OSBPL1A: variants seen among roughly 807,000 people sequenced by gnomAD.
OSBPL1A encodes oxysterol-binding protein-related protein 1.
A neutral mutation model predicts 137.1 loss-of-function variants in OSBPL1A; 80 were observed. The ratio of observed to expected loss-of-function variants is 0.58; its 90% CI spans 0.49 to 0.70. The LOEUF (loss-of-function observed/expected upper bound fraction) is 0.70, where lower values mean the gene tolerates loss of function less well. Ranked by LOEUF, OSBPL1A falls within the 30% of genes least tolerant of loss-of-function variation. The pLI is 0.00. For missense variants in OSBPL1A, 970 were observed against 1,129.4 expected (o/e 0.86, Z 2.02); for synonymous variants, 365 against 389.7 (o/e 0.94, Z 0.75).
chr18:24,393,610 G>A (rs1440993242), intron 1 of OSBPL1A, among the ~76,000 whole-genome samples: 3 of 152,000 alleles, frequency 2.0e-5, no homozygotes, highest in Admixed American at 1.3e-4. Context: ...CCGCCACCAC[G>A]CCTGGCTAAT....
In OSBPL1A at chr18:24,271,507, G is replaced by A; in HGVS notation, c.1281+9335C>T. ...GCACACACACGTCCAACTATTCTTG[G>A]ATCTACTCACATCCCTGGATCAAGT... is the stretch of plus-strand genomic sequence containing the variant. On this transcript the variant is annotated intron_variant, in intron 15 of 27. Coordinates refer to ENST00000319481, the MANE Select transcript of OSBPL1A (RefSeq NM_080597.4). This position sits in a 1 kb window ranked among gnomAD's most constrained non-coding sequence, Gnocchi z 4.0. 1 of 960,278 alleles carries A rather than the reference G, an allele frequency of 1.0e-6. No homozygotes were observed. The highest frequency in any genetic ancestry group is 1.2e-6 in the Non-Finnish European group (1 of 807,006). 59.5% of individuals were successfully genotyped at this position (960,278 alleles called of 1,614,324 possible).
chr18:24,390,268 C>T (rs1341483169), intron 1 of OSBPL1A, among the ~76,000 whole-genome samples: 1 of 152,036 alleles, frequency 6.6e-6, no homozygotes, highest in East Asian at 1.9e-4. Context: ...GGGTATATAC[C>T]CAAAAGAACT....
At chr18:24,294,407 T>C (rs1242711220) in intron 14 of OSBPL1A, among the ~76,000 whole-genome samples, 1 of 151,938 alleles carries the variant, frequency 6.6e-6, no homozygotes, top group East Asian at 1.9e-4. Flanking sequence ...AATTTTTGTA[T>C]TTTTTTAGTA....
intron 7 of OSBPL1A, among the ~76,000 whole-genome samples, chr18:24,322,579 G>C (rs1440846477): frequency 6.6e-6 from 1 of 152,046 alleles, no homozygotes; most frequent in African/African-American, 2.4e-5. Flanking sequence ...CTAGCACATA[G>C]GAAAATGCCT....
In OSBPL1A at chr18:24,163,298, G is replaced by C; in HGVS notation, c.2751-17C>G. ...TGGAACCACCTGTTAAAAGAAAAAG[G>C]ACAAGACTTACAGGGGAAACTATGG... On this transcript the variant is annotated splice_polypyrimidine_tract_variant and intron_variant, in intron 27 of 27. Transcript: ENST00000319481. The C allele has an allele frequency of 6.4e-7, 1 of 1,555,574 alleles. No homozygotes were observed. The highest frequency in any genetic ancestry group is 1.2e-5 in the South Asian group (1 of 86,528).
At chr18:24,371,733 C>T (rs1227568533) in intron 2 of OSBPL1A, among the ~76,000 whole-genome samples, 1 of 152,172 alleles carries the variant, frequency 6.6e-6, no homozygotes, top group African/African-American at 2.4e-5. Flanking sequence ...TGTCAACCCC[C>T]ACCCATTGCA....
At chr18:24,204,831 A>C (rs1396067504) in intron 17 of OSBPL1A, among the ~76,000 whole-genome samples, 1 of 152,082 alleles carries the variant, frequency 6.6e-6, no homozygotes, top group Admixed American at 6.6e-5. Flanking sequence ...GAATCTTAAT[A>C]GTCTATATTT....
intron 17 of OSBPL1A, among the ~76,000 whole-genome samples, chr18:24,202,522 C>G (rs1327764820): frequency 6.6e-6 from 1 of 152,274 alleles, no homozygotes; most frequent in East Asian, 1.9e-4. Flanking sequence ...GATAACTTAT[C>G]CCAAGTCTAA....
chr18:24,180,351 T>C (rs542868008), intron 19 of OSBPL1A, among the ~76,000 whole-genome samples: 1 of 152,218 alleles, frequency 6.6e-6, no homozygotes, highest in Non-Finnish European at 1.5e-5. Context: ...GTACAACATA[T>C]ACAATCTTCC....
intron 5 of OSBPL1A, among the ~76,000 whole-genome samples, chr18:24,337,716 AATGCT>A (rs1568036999): frequency 6.6e-6 from 1 of 151,828 alleles, no homozygotes; most frequent in East Asian, 1.9e-4. Context: ...GGGAGGGGAA[AATGCT>A]ACAAAGGTCA....
chr18:24,188,484 TA>T, intron 18 of OSBPL1A, among the ~76,000 whole-genome samples: 2 of 152,360 alleles, frequency 1.3e-5, no homozygotes, highest in Middle Eastern at 6.8e-3. Context: ...GAAAAGCTGC[TA>T]AAATTCTACA....
chr18:24,320,099 G>A (rs991805718), intron 7 of OSBPL1A, among the ~76,000 whole-genome samples: 1 of 151,984 alleles, frequency 6.6e-6, no homozygotes, highest in East Asian at 1.9e-4. Flanking sequence ...AAACAAAAAG[G>A]GGGGCTGGGG....
chr18:24,183,790 C>T (rs1421075361), intron 18 of OSBPL1A, among the ~76,000 whole-genome samples: 2 of 152,138 alleles, frequency 1.3e-5, no homozygotes, highest in Admixed American at 1.3e-4. Context: ...CTCATTACAC[C>T]TTCACTGTGT....
At chr18:24,302,994 T>G (rs74499242) in intron 14 of OSBPL1A, among the ~76,000 whole-genome samples, 2 of 151,442 alleles carry the variant, frequency 1.3e-5, no homozygotes, top group East Asian at 1.9e-4. Flanking sequence ...TGTGTGTGTG[T>G]GGGTGTGTCT....
chr18:24,206,631 G>A (rs1224606737), intron 17 of OSBPL1A, among the ~76,000 whole-genome samples: 3 of 152,118 alleles, frequency 2.0e-5, no homozygotes, highest in African/African-American at 7.2e-5. Context: ...CGAGGGTTAC[G>A]TCCTCTCCCA....
intron 15 of OSBPL1A, among the ~76,000 whole-genome samples, chr18:24,245,993 C>G (rs568760730): frequency 8.5e-4 from 129 of 151,886 alleles, no homozygotes; most frequent in African/African-American, 3.0e-3. Flanking sequence ...GTGGATCACC[C>G]GAGGTCAGGA....
chr18:24,338,266 A>G (rs1276811578), intron 5 of OSBPL1A, among the ~76,000 whole-genome samples: 1 of 150,310 alleles, frequency 6.7e-6, no homozygotes, highest in African/African-American at 2.4e-5. Context: ...ATTTTTAGTA[A>G]AGACGGGGTT....
chr18:24,188,002 A>T (rs1348815144), intron 18 of OSBPL1A, among the ~76,000 whole-genome samples: 1 of 152,198 alleles, frequency 6.6e-6, no homozygotes, highest in Non-Finnish European at 1.5e-5. Flanking sequence ...GGTGGGATTG[A>T]TCATAAAGAA....
At chr18:24,389,692 A>G (rs1907188405) in intron 1 of OSBPL1A, among the ~76,000 whole-genome samples, 1 of 152,116 alleles carries the variant, frequency 6.6e-6, no homozygotes, top group Non-Finnish European at 1.5e-5. Context: ...TGTACTCCCA[A>G]CATTTTGGGA....
Sources: gnomAD v4.1 joint callset for allele counts (sites outside exome capture counted in the v4.1 genomes callset) on GRCh38, gnomAD v4.1.1 for gene constraint, Gnocchi (gnomAD v3.1) non-coding constraint, MANE v1.5 for transcripts, NCBI Gene and HGNC (gene_info 2026-07-23, HGNC 2026-07-21) for gene names.